Variants in PLEKHA2 observed in about 807,000 individuals in gnomAD.
PLEKHA2 encodes pleckstrin homology domain containing A2, also known as pleckstrin homology domain-containing family A member 2.
A neutral mutation model predicts 53.2 loss-of-function variants in PLEKHA2; 28 were observed. That is an observed-to-expected ratio of 0.53 (90% CI 0.39 to 0.72). The LOEUF (loss-of-function observed/expected upper bound fraction) is 0.72, where lower values mean the gene tolerates loss of function less well. Ranked by LOEUF, PLEKHA2 falls within the 30% of genes least tolerant of loss-of-function variation. PLEKHA2 has a pLI of 0.00. For synonymous variants in PLEKHA2, 193 were observed against 196.4 expected (o/e 0.98, Z 0.14); for missense variants, 426 against 537.9 (o/e 0.79, Z 2.06).
chr8:38,911,790 A>G (rs1219318212), intron 1 of PLEKHA2, among the ~76,000 whole-genome samples: 1 of 152,068 alleles, frequency 6.6e-6, no homozygotes, highest in Non-Finnish European at 1.5e-5. Flanking sequence ...AGCCTGGGCT[A>G]TGTAGGGAGA....
intron 3 of PLEKHA2, among the ~76,000 whole-genome samples, chr8:38,937,309 TC>T (rs1170258689): frequency 6.6e-6 from 1 of 152,074 alleles, no homozygotes; most frequent in Non-Finnish European, 1.5e-5. Context: ...TGTGGCTGCC[TC>T]CCCGGGCCAG....
chr8:38,912,594 G>A (rs1481231728), intron 1 of PLEKHA2, among the ~76,000 whole-genome samples: 1 of 152,232 alleles, frequency 6.6e-6, no homozygotes, highest in Non-Finnish European at 1.5e-5. Flanking sequence ...AGATTTGGAA[G>A]ATTATGGTGA....
In PLEKHA2 at chr8:38,916,170, T is replaced by G. The variant is rs1588237500; in HGVS notation, c.-23-1737T>G. Among the ~76,000 whole-genome samples, 4 of 152,086 alleles carry G rather than the reference T, an allele frequency of 2.6e-5. No homozygotes were observed. The South Asian group carries it at 8.3e-4, about 32-fold the overall frequency. The stretch of plus-strand genomic sequence containing the variant: ...TTTTGTATTTTTAGTAGAGACGAGG[T>G]TTCACCATGTTGGCCAGGCTGGTCT... On this transcript the variant is annotated intron_variant, in intron 1 of 11. Coordinates refer to ENST00000617275, the MANE Select transcript of PLEKHA2 (RefSeq NM_021623.2).
chr8:38,906,801 T>C (rs987597924), intron 1 of PLEKHA2, among the ~76,000 whole-genome samples: 1 of 152,206 alleles, frequency 6.6e-6, no homozygotes, highest in Non-Finnish European at 1.5e-5. Context: ...GTTTGTACAT[T>C]GCGAAGGCTC....
Position 38,950,717 on chromosome 8 carries a change from C to T in PLEKHA2, c.346-133C>T, listed in dbSNP as rs895655211. The T allele has an allele frequency of 5.8e-5, 64 of 1,105,254 alleles. No homozygotes were observed. The East Asian group carries it at 1.6e-3, about 28-fold the overall frequency. The allele number at this position is 1,105,254 out of a possible 1,614,324, so 68.5% of individuals were successfully genotyped here. A position where few individuals can be genotyped will look rare whatever the true frequency, so the allele number is the denominator to read the frequency against. ...ATATTCAGATTTGGACTGTGGAAGG[C>T]TTGGGGAGGACACGCAAGTCTGACT... On this transcript the variant is annotated intron_variant, in intron 5 of 11. Coordinates refer to ENST00000617275, the MANE Select transcript of PLEKHA2 (RefSeq NM_021623.2).
intron 3 of PLEKHA2, among the ~76,000 whole-genome samples, chr8:38,942,438 CAAAG>C (rs1834629297): frequency 6.6e-6 from 1 of 151,882 alleles, no homozygotes; most frequent in Admixed American, 6.6e-5. Context: ...CTTCCTGTCT[CAAAG>C]AAAGAAAACC....
chr8:38,940,783 ATAAGCGGG>A (rs1254587829), intron 3 of PLEKHA2, among the ~76,000 whole-genome samples: 1 of 151,798 alleles, frequency 6.6e-6, no homozygotes, highest in Admixed American at 6.6e-5. Context: ...CGAACTTGGG[ATAAGCGGG>A]TTTACCTTTG....
intron 1 of PLEKHA2, among the ~76,000 whole-genome samples, chr8:38,905,170 A>C (rs1049840139): frequency 6.6e-6 from 1 of 152,016 alleles, no homozygotes; most frequent in Non-Finnish European, 1.5e-5. Flanking sequence ...AAAAATACTC[A>C]TATTGGCTGG....
At chr8:38,966,046 G>T (rs1296345466) in intron 10 of PLEKHA2, among the ~76,000 whole-genome samples, 1 of 152,056 alleles carries the variant, frequency 6.6e-6, no homozygotes, top group Non-Finnish European at 1.5e-5. Context: ...CAAATAACTG[G>T]AAAAAGTCAA....
chr8:38,926,540 G>A (rs1416688860), intron 2 of PLEKHA2, among the ~76,000 whole-genome samples: 4 of 152,138 alleles, frequency 2.6e-5, no homozygotes, highest in Admixed American at 6.5e-5. Flanking sequence ...TGTAGAATTA[G>A]AAACTGCAAT....
At chr8:38,916,605 C>CT (rs1284163368) in intron 1 of PLEKHA2, among the ~76,000 whole-genome samples, 4 of 152,176 alleles carry the variant, frequency 2.6e-5, no homozygotes, top group African/African-American at 4.8e-5. Flanking sequence ...GGATCTTACT[C>CT]TTTTTTTATG....
chr8:38,923,482 C>T (rs1353086731), intron 2 of PLEKHA2, among the ~76,000 whole-genome samples: 1 of 152,236 alleles, frequency 6.6e-6, no homozygotes, highest in Non-Finnish European at 1.5e-5. Flanking sequence ...GCTGGGATTA[C>T]AGGCATGAGC....
At chr8:38,934,847 G>A (rs1834463090) in intron 2 of PLEKHA2, among the ~76,000 whole-genome samples, 1 of 150,960 alleles carries the variant, frequency 6.6e-6, no homozygotes, top group Admixed American at 6.6e-5. Flanking sequence ...TTTCTATATT[G>A]CGTGAGTTTG....
intron 1 of PLEKHA2, among the ~76,000 whole-genome samples, chr8:38,909,890 CTT>C (rs1244697781): frequency 6.6e-6 from 1 of 152,094 alleles, no homozygotes; most frequent in African/African-American, 2.4e-5. Flanking sequence ...TACTTAAGAA[CTT>C]ATATTCTACT....
In PLEKHA2 at chr8:38,922,325, T is replaced by G; in HGVS notation, c.141+4255T>G. 6.6e-6 allele frequency among the ~76,000 whole-genome samples: 1 copy of G among 152,258 alleles called. No homozygotes were observed. The highest frequency in any genetic ancestry group is 3.4e-3 in the Middle Eastern group (1 of 294). The stretch of plus-strand genomic sequence containing the variant: ...TTATCATAGTGTTTCCAGCATTTGA[T>G]GAATATGTGTTCATTGAATGAAGGA... On this transcript the variant is annotated intron_variant, in intron 2 of 11. Coordinates refer to ENST00000617275, the MANE Select transcript of PLEKHA2 (RefSeq NM_021623.2). This position sits in a 1 kb window ranked among gnomAD's most constrained non-coding sequence, Gnocchi z 4.0.
intron 2 of PLEKHA2, among the ~76,000 whole-genome samples, chr8:38,930,447 C>T (rs113883726): frequency 6.6e-6 from 1 of 151,788 alleles, no homozygotes; most frequent in Non-Finnish European, 1.5e-5. Flanking sequence ...CAGGTGATCC[C>T]CCTGCCTCAG....
intron 2 of PLEKHA2, among the ~76,000 whole-genome samples, chr8:38,924,294 A>C (rs1834244979): frequency 6.6e-6 from 1 of 152,172 alleles, no homozygotes; most frequent in Non-Finnish European, 1.5e-5. Context: ...AGGGGCATTT[A>C]GGGTCGTCAG....
intron 1 of PLEKHA2, 133 bp from the exon 2 acceptor site, chr8:38,917,774 G>A: frequency 1.0e-6 from 1 of 1,000,342 alleles, no homozygotes; most frequent in Non-Finnish European, 1.4e-6. Context: ...CAGGGTCTGG[G>A]ATGGAACATT....
intron 9 of PLEKHA2, among the ~76,000 whole-genome samples, chr8:38,955,393 A>C (rs898482207): frequency 6.6e-6 from 1 of 152,238 alleles, no homozygotes; most frequent in Non-Finnish European, 1.5e-5. Context: ...AAGTAATCAT[A>C]GTTGGTGAAA....
Sources: allele counts gnomAD v4.1 joint callset (sites outside exome capture counted in the v4.1 genomes callset), GRCh38; gene constraint gnomAD v4.1.1; non-coding constraint Gnocchi (gnomAD v3.1); transcripts MANE v1.5; gene names NCBI Gene and HGNC (gene_info 2026-07-23, HGNC 2026-07-21).